NPDC1: variants seen among roughly 807,000 people sequenced by gnomAD.
The protein encoded by NPDC1 is neural proliferation differentiation and control protein 1.
NPDC1 carries 18 observed loss-of-function variants against 32.5 expected under a neutral mutation model. The observed-to-expected ratio is 0.55, with a 90% CI of 0.38 to 0.82. The LOEUF (loss-of-function observed/expected upper bound fraction) is 0.82, where lower values mean the gene tolerates loss of function less well. Among genes scored for constraint, NPDC1 ranks in the 40% least tolerant of loss-of-function variants. The probability of loss-of-function intolerance (pLI) is 0.00; values close to 1 mark genes in which losing one functional copy is unlikely to be tolerated. For synonymous variants in NPDC1, 210 were observed against 184.7 expected (o/e 1.14, Z -1.11); for missense variants, 468 against 406.6 (o/e 1.15, Z -1.30).
At chr9:137,045,068 CAA>C (rs1352474047) in intron 1 of NPDC1, among the ~76,000 whole-genome samples, 3 of 152,220 alleles carry the variant, frequency 2.0e-5, no homozygotes, top group Non-Finnish European at 2.9e-5. Context: ...AATGCAGTCG[CAA>C]AGTCTCCCAG....
rs1217361735 is a variant in NPDC1 at position 137,045,923 on chromosome 9, G to A, written c.67C>T (p.Leu23Phe). Reference protein sequence around the residue: ...LRLLRLLLSGLVLGAALRGAA... With the variant: ...LRLLRLLLSGFVLGAALRGAA... The stretch of plus-strand genomic sequence containing the variant: ...CCACGCAGGGCGGCGCCGAGGACGA[G>A]GCCGGAGAGCAGCAGCCGCAGCAGC... The change falls in exon 1 of 9, where the codon CTC (leucine) becomes TTC (phenylalanine). Residue 23 changes from leucine to phenylalanine, a missense_variant. Coordinates refer to ENST00000371601, the MANE Select transcript of NPDC1 (RefSeq NM_015392.4). 3.4e-6 allele frequency: 4 copies of A among 1,171,882 alleles called. No homozygotes were observed. 72.6% of individuals were successfully genotyped at this position (1,171,882 alleles called of 1,614,324 possible).
In NPDC1 at chr9:137,040,912, G is replaced by T. The variant is rs1434726247; in HGVS notation, c.458C>A (p.Pro153His). ...GGAGCCCAGGGAGGTGTGGGGCGTG[G>T]GCGTGGGGGTTCCTGGAGTGGAGGG... Reference protein sequence around the residue: ...GLPSTPGTPTPTPHTSLGSPV... With the variant: ...GLPSTPGTPTHTPHTSLGSPV... Residue 153 changes from proline to histidine, a missense_variant, in exon 4 of 9, where the codon CCC (proline) becomes CAC (histidine). Coordinates refer to ENST00000371601, the MANE Select transcript of NPDC1 (RefSeq NM_015392.4). The T allele has an allele frequency of 6.4e-7, 1 of 1,571,900 alleles. No individual in the cohort carries two copies. Among genetic ancestry groups the T allele is most frequent in the Non-Finnish European group, 8.6e-7 (1 of 1,161,678 alleles).
At chr9:137,041,290 T>C (rs1832048271) in intron 2 of NPDC1, 103 bp from the exon 3 acceptor site, 1 of 1,256,502 alleles carries the variant, frequency 8.0e-7, no homozygotes, top group South Asian at 2.6e-5. Flanking sequence ...GCCTGAGGAC[T>C]GGGTACACGC....
intron 2 of NPDC1, 72 bp downstream of exon 2, chr9:137,042,855 G>A (rs1832078266): frequency 6.6e-7 from 1 of 1,523,036 alleles, no homozygotes; most frequent in Non-Finnish European, 8.8e-7. Context: ...ACCGCGCCCA[G>A]CCGGCCGCTT....
chr9:137,043,282 G>A lies in NPDC1; in HGVS notation c.113-209C>T, dbSNP rs1310124781. 9.7e-6 allele frequency: 7 copies of A among 723,652 alleles called. No homozygotes were observed. The Admixed American group carries it at 1.4e-4, about 14-fold the overall frequency. The allele number at this position is 723,652 out of a possible 1,614,324, so 44.8% of individuals were successfully genotyped here. A position where few individuals can be genotyped will look rare whatever the true frequency, so the allele number is the denominator to read the frequency against. On this transcript the variant is annotated intron_variant, in intron 1 of 8. Coordinates refer to ENST00000371601, the MANE Select transcript of NPDC1 (RefSeq NM_015392.4). ...TCCTAGGACTTATCAGAACTACCCT[G>A]CCCCACCCCTCCCCAGGGTCCACTT... is the stretch of plus-strand genomic sequence containing the variant.
chr9:137,040,540 C>A lies in NPDC1; in HGVS notation c.682G>T (p.Gly228Cys). 6.3e-7 allele frequency: 1 copy of A among 1,589,354 alleles called. No homozygotes were observed. The highest frequency in any genetic ancestry group is 8.5e-7 in the Non-Finnish European group (1 of 1,173,560). ...KADYATAKAP[G>C]SPAAPRISPG... Reference sequence around the variant, plus strand: ...GAGATCCGGGGAGCTGCAGGTGAGCCAGGGGCCTTCGCAGTGGCGTAGTCG... The same window carrying A: ...GAGATCCGGGGAGCTGCAGGTGAGCAAGGGGCCTTCGCAGTGGCGTAGTCG... The change falls in exon 6 of 9, where the codon GGC becomes TGC. Residue 228 changes from glycine (G) to cysteine (C), a missense_variant. Transcript: ENST00000371601.
At position 137,043,396 on chromosome 9, in the gene NPDC1, A is replaced by G. The variant is rs1331443994; in HGVS notation, c.113-323T>C. The stretch of plus-strand genomic sequence containing the variant: ...CCTGGGCAGGGCCGTGCAGCCCCAC[A>G]AGCCCAGCCTCCGGCCTCAACATGC... On this transcript the variant is annotated intron_variant, in intron 1 of 8. Coordinates refer to ENST00000371601, the MANE Select transcript of NPDC1 (RefSeq NM_015392.4). The G allele has an allele frequency of 5.8e-6, 4 of 695,546 alleles. No homozygotes were observed. The Admixed American group carries it at 8.3e-5, about 14-fold the overall frequency. 43.1% of individuals were successfully genotyped at this position (695,546 alleles called of 1,614,324 possible).
intron 1 of NPDC1, 62 bp downstream of exon 1, chr9:137,045,816 T>TC: frequency 1.0e-6 from 1 of 957,786 alleles, no homozygotes; most frequent in Non-Finnish European, 1.2e-6. Context: ...GGCAACCCGG[T>TC]CCCCGCCCGG....
chr9:137,043,600 C>T, intron 1 of NPDC1: 1 of 560,314 alleles, frequency 1.8e-6, no homozygotes, highest in Middle Eastern at 4.7e-4. Flanking sequence ...CAGCCTCTGG[C>T]TTGTCCCCCA....
chr9:137,043,474 C>A (rs981518998), intron 1 of NPDC1: 6 of 623,736 alleles, frequency 9.6e-6, no homozygotes, highest in Non-Finnish European at 1.8e-5. Context: ...AGGGAAGGGC[C>A]CAGGTCTGTC....
At chr9:137,041,025 G>A (rs202011502) in intron 3 of NPDC1, 37 bp downstream of exon 3, 1 of 1,523,118 alleles carries the variant, frequency 6.6e-7, no homozygotes, top group Non-Finnish European at 8.8e-7. Flanking sequence ...ACTGGGCTAG[G>A]GACAGGGCCG....
chr9:137,044,324 C>T (rs1031198187), intron 1 of NPDC1, among the ~76,000 whole-genome samples: 2 of 152,220 alleles, frequency 1.3e-5, no homozygotes, highest in Admixed American at 1.3e-4. Flanking sequence ...GACTTGGGCA[C>T]GTTAAACATT....
intron 1 of NPDC1, among the ~76,000 whole-genome samples, chr9:137,044,822 A>G (rs1832107286): frequency 1.3e-5 from 2 of 152,252 alleles, no homozygotes; most frequent in South Asian, 4.1e-4. Flanking sequence ...CTGGCTGAGC[A>G]CACTCTGATT....
chr9:137,043,121 C>G, intron 1 of NPDC1, 48 bp from the exon 2 acceptor site: 8 of 1,598,134 alleles, frequency 5.0e-6, no homozygotes, highest in Non-Finnish European at 6.8e-6. Flanking sequence ...CCGCAGGGCT[C>G]GGCCCCTGCA....
Position 137,041,613 on chromosome 9 carries a change from G to A in NPDC1, c.260-426C>T, listed in dbSNP as rs76329059. Among the ~76,000 whole-genome samples the A allele has an allele frequency of 8.2e-3, 1,246 of 152,282 alleles. 12 individuals are homozygous for A. The highest frequency in any genetic ancestry group is 0.028 in the African/African-American group (1,144 of 41,558). ...CCCCTCCCCAGGTCATTGGGAGAAC[G>A]GGGGCAGCTGTCAGGGGTGGGGCTG... On this transcript the variant is annotated intron_variant, in intron 2 of 8. Coordinates refer to ENST00000371601, the MANE Select transcript of NPDC1 (RefSeq NM_015392.4).
chr9:137,042,861 C>T lies in NPDC1; in HGVS notation c.259+66G>A, dbSNP rs12346414. The T allele has an allele frequency of 5.4e-3, 8,235 of 1,528,198 alleles. 53 individuals carry two copies. Among genetic ancestry groups the T allele is most frequent in the African/African-American group, 0.029 (2,081 of 72,288 alleles). 94.7% of individuals were successfully genotyped at this position (1,528,198 alleles called of 1,614,324 possible). On this transcript the variant is annotated intron_variant, in intron 2 of 8. Coordinates refer to ENST00000371601, the MANE Select transcript of NPDC1 (RefSeq NM_015392.4). ...GCATGAGCCACCGCGCCCAGCCGGC[C>T]GCTTCTTACAGGGAGAGGTTCATGC...
chr9:137,041,026 G>A, intron 3 of NPDC1, 36 bp downstream of exon 3: 1 of 1,523,430 alleles, frequency 6.6e-7, no homozygotes, highest in Non-Finnish European at 8.8e-7. Flanking sequence ...CTGGGCTAGG[G>A]ACAGGGCCGT....
chr9:137,043,825 G>A lies in NPDC1; in HGVS notation c.113-752C>T, dbSNP rs762903758. ...CCACACTTTCATCTCGCTGATGAGG[G>A]GCCCAGGCCACGGTGCCAGCTGACA... On this transcript the variant is annotated intron_variant, in intron 1 of 8. Coordinates refer to ENST00000371601, the MANE Select transcript of NPDC1 (RefSeq NM_015392.4). 120 of 181,144 alleles carry A rather than the reference G, an allele frequency of 6.6e-4. 2 individuals carry two copies. The highest frequency in any genetic ancestry group is 1.8e-3 in the Admixed American group (33 of 18,470). The allele number at this position is 181,144 out of a possible 1,614,324, so 11.2% of individuals were successfully genotyped here.
chr9:137,040,203 G>A (rs934948862), intron 7 of NPDC1, 136 bp from the exon 8 acceptor site: 2 of 758,252 alleles, frequency 2.6e-6, no homozygotes, highest in Non-Finnish European at 4.4e-6. Flanking sequence ...GCCAGGGGAG[G>A]TGAGGGTGCA....
Sources: allele counts gnomAD v4.1 joint callset (sites outside exome capture counted in the v4.1 genomes callset), GRCh38; gene constraint gnomAD v4.1.1; transcripts MANE v1.5; gene names NCBI Gene and HGNC (gene_info 2026-07-23, HGNC 2026-07-21).